The following LMBRD1 variants were observed in gnomAD, a reference collection of about 807,000 sequenced individuals.
LMBRD1 encodes lysosomal cobalamin transport escort protein LMBD1.
A neutral mutation model predicts 74.8 loss-of-function variants in LMBRD1; 64 were observed. That is an observed-to-expected ratio of 0.86 (90% CI 0.70 to 1.05). LMBRD1 has a LOEUF of 1.05. Ranked by LOEUF, LMBRD1 falls within the 50% of genes least tolerant of loss-of-function variation. LMBRD1 has a pLI of 0.00. For synonymous variants in LMBRD1, 204 were observed against 216.3 expected, an observed-to-expected ratio of 0.94 and a Z score of 0.50; for missense variants, 652 against 645.9, an observed-to-expected ratio of 1.01 and a Z score of -0.10.
At chr6:69,753,966 T>C (rs1765219105) in intron 3 of LMBRD1, among the ~76,000 whole-genome samples, 1 of 150,900 alleles carries the variant, frequency 6.6e-6, no homozygotes, top group South Asian at 2.1e-4. Context: ...TAGGAAATGA[T>C]ATATGGCTAT....
At chr6:69,775,318 T>C (rs1359033074) in intron 3 of LMBRD1, among the ~76,000 whole-genome samples, 2 of 152,176 alleles carry the variant, frequency 1.3e-5, no homozygotes, top group African/African-American at 4.8e-5. Context: ...GCAGGCAGCC[T>C]GATTTCTGCC....
chr6:69,765,229 CT>C lies in LMBRD1; in HGVS notation c.308-12874del, dbSNP rs1428831056. Among the ~76,000 whole-genome samples, 7 of 152,208 alleles carry C rather than the reference CT, an allele frequency of 4.6e-5. No individual in the cohort carries two copies. In the East Asian group the frequency reaches 1.4e-3, roughly 29 times the overall value. On this transcript the variant is annotated intron_variant, in intron 3 of 15. Coordinates refer to ENST00000649934, the MANE Select transcript of LMBRD1 (RefSeq NM_018368.4). ...TACAGGAGTGAGCCATTGTGCCCCC[CT>C]CCCTTAATTTCTTCTAAAAGTATTA...
intron 3 of LMBRD1, among the ~76,000 whole-genome samples, chr6:69,775,827 C>T (rs960235473): frequency 9.9e-5 from 15 of 152,068 alleles, no homozygotes; most frequent in Admixed American, 9.8e-4. Flanking sequence ...CTTGAAAGAA[C>T]AACTGACAGA....
intron 14 of LMBRD1, among the ~76,000 whole-genome samples, chr6:69,693,838 C>A (rs532475196): frequency 6.6e-5 from 10 of 152,036 alleles, no homozygotes; most frequent in African/African-American, 2.4e-4. Flanking sequence ...AACTACCCTG[C>A]CACCCCAAAT....
chr6:69,719,082 C>A lies in LMBRD1; in HGVS notation c.637-1G>T, dbSNP rs1766557653. ...AAGGTAACGCAGACATGCCATAGGC[C>A]TAAAAGAAAAACAATTGAAATGTTT... is the stretch of plus-strand genomic sequence containing the variant. On this transcript the variant is annotated splice_acceptor_variant, in intron 7 of 15. Coordinates refer to ENST00000649934, the MANE Select transcript of LMBRD1 (RefSeq NM_018368.4). LOFTEE classifies it high-confidence loss of function. The A allele has an allele frequency of 6.2e-7, 1 of 1,611,844 alleles. No homozygotes were observed.
chr6:69,702,144 G>A (rs1766146427), intron 9 of LMBRD1, among the ~76,000 whole-genome samples, 191 bp from the exon 10 acceptor site: 1 of 151,764 alleles, frequency 6.6e-6, no homozygotes, highest in African/African-American at 2.4e-5. Context: ...ATTTGATTGA[G>A]AACATGTACA....
intron 10 of LMBRD1, 74 bp downstream of exon 10, chr6:69,701,815 G>A: frequency 9.8e-7 from 1 of 1,019,270 alleles, no homozygotes; most frequent in Non-Finnish European, 1.5e-6. Context: ...CTACACTAAT[G>A]GCATTCAGCA....
In LMBRD1 at chr6:69,676,683, G is replaced by A. The variant is rs3214022; in HGVS notation, c.1418-142C>T. 456 of 727,630 alleles carry A rather than the reference G, an allele frequency of 6.3e-4. 1 individual carries two copies. The East Asian group carries it at 0.012, about 20-fold the overall frequency. 45.1% of individuals were successfully genotyped at this position (727,630 alleles called of 1,614,324 possible). Reference sequence around the variant, plus strand: ...GTGTCAGAGATGGTACTGAAACTTAGGTCTCTCTCCAAAGCCCACTCTTTC... The same window carrying A: ...GTGTCAGAGATGGTACTGAAACTTAAGTCTCTCTCCAAAGCCCACTCTTTC... On this transcript the variant is annotated intron_variant, in intron 14 of 15. Transcript: ENST00000649934.
At chr6:69,745,992 T>C (rs1767219551) in intron 5 of LMBRD1, 1 of 225,400 alleles carries the variant, frequency 4.4e-6, no homozygotes, top group South Asian at 7.3e-5. Flanking sequence ...TGACCTTCAC[T>C]ACACGGCCTA....
At chr6:69,724,367 A>G (rs9354883) in intron 7 of LMBRD1, among the ~76,000 whole-genome samples, 44,804 of 135,438 alleles carry the variant, frequency 0.33, 8,503 homozygotes, top group East Asian at 0.54. Context: ...AAAAAAAAAC[A>G]CTACAGGCCA....
In LMBRD1 at chr6:69,674,294, A is replaced by G. The variant is rs1765502815; in HGVS notation, c.*1864T>C. Among the ~76,000 whole-genome samples the G allele has an allele frequency of 6.6e-6, 1 of 152,232 alleles. No individual in the cohort carries two copies. Among genetic ancestry groups the G allele is most frequent in the Non-Finnish European group, 1.5e-5 (1 of 68,048 alleles). Reference sequence around the variant, plus strand: ...CTATCTCCACATAAAGTATTATTCTATGAAGTACCAGGGGACAAGATTTCA... The same window carrying G: ...CTATCTCCACATAAAGTATTATTCTGTGAAGTACCAGGGGACAAGATTTCA... On this transcript the variant is annotated 3_prime_UTR_variant, in exon 16 of 16. Transcript: ENST00000649934.
chr6:69,730,327 T>C (rs1047016042), intron 7 of LMBRD1, among the ~76,000 whole-genome samples: 1 of 152,126 alleles, frequency 6.6e-6, no homozygotes, highest in African/African-American at 2.4e-5. Context: ...CAACACTAAA[T>C]ACTACCTGTA....
intron 3 of LMBRD1, among the ~76,000 whole-genome samples, chr6:69,770,608 TTCCCTAAATTA>T (rs1423714541): frequency 6.6e-6 from 1 of 152,182 alleles, no homozygotes; most frequent in Admixed American, 6.6e-5. Context: ...TCAAGTGAGT[TTCCCTAAATTA>T]CATAGAAAAT....
intron 9 of LMBRD1, among the ~76,000 whole-genome samples, chr6:69,707,973 A>G (rs1334525886): frequency 2.0e-5 from 3 of 152,218 alleles, no homozygotes; most frequent in African/African-American, 7.2e-5. Flanking sequence ...TGAGGCATAT[A>G]TATTTTACCA....
At chr6:69,722,548 GTTAAAATGTCACGCTTC>G (rs1766639474) in intron 7 of LMBRD1, among the ~76,000 whole-genome samples, 2 of 152,044 alleles carry the variant, frequency 1.3e-5, no homozygotes, top group South Asian at 4.1e-4. Context: ...GGAGGATAAA[GTTAAAATGTCACGCTTC>G]TATTTGTTTT....
chr6:69,683,033 T>A (rs1255667542), intron 14 of LMBRD1, among the ~76,000 whole-genome samples: 1 of 151,896 alleles, frequency 6.6e-6, no homozygotes, highest in Non-Finnish European at 1.5e-5. Context: ...CTGGAGAACT[T>A]AGAAAGCATA....
Position 69,747,255 on chromosome 6 carries a change from C to A in LMBRD1, c.473+2086G>T, listed in dbSNP as rs201709992. 1.4e-4 allele frequency among the ~76,000 whole-genome samples: 21 copies of A among 152,198 alleles called. No homozygotes were observed. In the East Asian group the frequency reaches 4.1e-3, roughly 29 times the overall value. On this transcript the variant is annotated intron_variant, in intron 5 of 15. Coordinates refer to ENST00000649934, the MANE Select transcript of LMBRD1 (RefSeq NM_018368.4). ...CTCTCCTCCACCCTCTCACTCTCCC[C>A]CTCCCCTTCTCTCTCTGCAAGCACA...
chr6:69,706,639 CTATTTCATCCACT>C (rs1766265913), intron 9 of LMBRD1, among the ~76,000 whole-genome samples: 1 of 152,136 alleles, frequency 6.6e-6, no homozygotes, highest in African/African-American at 2.4e-5. Flanking sequence ...TATTCTTACT[CTATTTCATCCACT>C]TGAAATGTTT....
chr6:69,715,207 T>C (rs1318594930), intron 8 of LMBRD1, among the ~76,000 whole-genome samples: 2 of 152,116 alleles, frequency 1.3e-5, no homozygotes, highest in Admixed American at 6.6e-5. Flanking sequence ...ACTTTATATC[T>C]TAACCATAAC....
Sources: gnomAD v4.1 joint callset for allele counts (sites outside exome capture counted in the v4.1 genomes callset) on GRCh38, gnomAD v4.1.1 for gene constraint, MANE v1.5 for transcripts, NCBI Gene and HGNC (gene_info 2026-07-23, HGNC 2026-07-21) for gene names.